Variants in ZRANB3 observed in about 807,000 individuals in gnomAD.
ZRANB3 encodes zinc finger RANBP2-type containing 3.
Under a neutral mutation model 133.8 loss-of-function variants are expected in ZRANB3, and 125 were observed. The ratio of observed to expected loss-of-function variants is 0.93; its 90% CI spans 0.81 to 1.08. The LOEUF (loss-of-function observed/expected upper bound fraction) is 1.08, where lower values mean the gene tolerates loss of function less well. Among genes scored for constraint, ZRANB3 ranks in the 50% least tolerant of loss-of-function variants. The pLI is 0.00. For synonymous variants in ZRANB3, 387 were observed against 432.7 expected, an observed-to-expected ratio of 0.89 and a Z score of 1.31; for missense variants, 1,229 against 1,275.5, an observed-to-expected ratio of 0.96 and a Z score of 0.56.
intron 2 of ZRANB3, among the ~76,000 whole-genome samples, chr2:135,431,316 T>TA (rs1409970819): frequency 1.3e-5 from 2 of 150,334 alleles, no homozygotes; most frequent in South Asian, 2.1e-4. Context: ...AATATATATG[T>TA]AAAAAAAAGT....
chr2:135,297,202 CCTT>C (rs1682167908), intron 8 of ZRANB3, among the ~76,000 whole-genome samples: 1 of 152,160 alleles, frequency 6.6e-6, no homozygotes. Context: ...AGGCAGGCCT[CCTT>C]GAGCTGTGGT....
At chr2:135,503,024 A>T (rs1693014704) in intron 2 of ZRANB3, among the ~76,000 whole-genome samples, 1 of 152,204 alleles carries the variant, frequency 6.6e-6, no homozygotes, top group African/African-American at 2.4e-5. Context: ...AAACCATTAA[A>T]AACAGGCAAA....
At chr2:135,477,090 TTTAA>T (rs1262974529) in intron 2 of ZRANB3, among the ~76,000 whole-genome samples, 3 of 152,318 alleles carry the variant, frequency 2.0e-5, no homozygotes, top group Admixed American at 2.0e-4. Flanking sequence ...ATCATCACTT[TTTAA>T]TTAGTGATTT....
At chr2:135,420,543 C>T (rs1339841468) in intron 2 of ZRANB3, among the ~76,000 whole-genome samples, 1 of 152,014 alleles carries the variant, frequency 6.6e-6, no homozygotes, top group Non-Finnish European at 1.5e-5. Context: ...TAACTAAGGA[C>T]AGACTACATA....
chr2:135,408,790 A>G (rs1342890386), intron 2 of ZRANB3, among the ~76,000 whole-genome samples: 1 of 151,812 alleles, frequency 6.6e-6, no homozygotes, highest in African/African-American at 2.4e-5. Context: ...ACACATGGAG[A>G]CAGGAAGGGG....
At chr2:135,413,053 G>A (rs557133226) in intron 2 of ZRANB3, among the ~76,000 whole-genome samples, 64 of 152,226 alleles carry the variant, frequency 4.2e-4, no homozygotes, top group African/African-American at 1.5e-3. Flanking sequence ...ACAAAACACT[G>A]AATGTTATTT....
intron 11 of ZRANB3, among the ~76,000 whole-genome samples, chr2:135,266,355 G>C (rs1019315590): frequency 6.6e-6 from 1 of 152,166 alleles, no homozygotes; most frequent in Non-Finnish European, 1.5e-5. Context: ...TGTATGAAAT[G>C]GCTCTGCAGA....
chr2:135,499,731 T>C (rs927461698), intron 2 of ZRANB3, among the ~76,000 whole-genome samples: 8 of 152,152 alleles, frequency 5.3e-5, no homozygotes, highest in South Asian at 2.1e-4. Flanking sequence ...GAGATATAAG[T>C]GGAACTCTTA....
chr2:135,430,463 G>A (rs1164924033), intron 2 of ZRANB3, among the ~76,000 whole-genome samples: 1 of 151,352 alleles, frequency 6.6e-6, no homozygotes, highest in Non-Finnish European at 1.5e-5. Context: ...CACATAGTAA[G>A]GTGCAGAGTT....
intron 2 of ZRANB3, among the ~76,000 whole-genome samples, chr2:135,464,670 C>T (rs1690906131): frequency 6.6e-6 from 1 of 152,148 alleles, no homozygotes; most frequent in African/African-American, 2.4e-5. Flanking sequence ...TGCCTGGTGC[C>T]TGCAAGTTGA....
At chr2:135,409,865 C>T (rs1044136986) in intron 2 of ZRANB3, among the ~76,000 whole-genome samples, 5 of 152,076 alleles carry the variant, frequency 3.3e-5, no homozygotes, top group African/African-American at 9.7e-5. Context: ...AGACTTCAGT[C>T]CCATTTACAA....
chr2:135,376,246 G>A (rs1452328184), intron 3 of ZRANB3, among the ~76,000 whole-genome samples: 1 of 152,204 alleles, frequency 6.6e-6, no homozygotes, highest in African/African-American at 2.4e-5. Flanking sequence ...CTAGCCTCGA[G>A]CTATGAGAGT....
At chr2:135,490,844 G>A (rs1692339731) in intron 2 of ZRANB3, among the ~76,000 whole-genome samples, 1 of 152,150 alleles carries the variant, frequency 6.6e-6, no homozygotes. Flanking sequence ...CAGCAACATG[G>A]ATGGAACTGG....
intron 2 of ZRANB3, among the ~76,000 whole-genome samples, chr2:135,462,094 T>C: frequency 6.6e-6 from 1 of 152,182 alleles, no homozygotes; most frequent in Admixed American, 6.5e-5. Context: ...ACTAAAAACA[T>C]TAATTACCTT....
intron 8 of ZRANB3, among the ~76,000 whole-genome samples, chr2:135,308,346 A>C (rs1682800083): frequency 6.6e-6 from 1 of 152,058 alleles, no homozygotes; most frequent in African/African-American, 2.4e-5. Context: ...TTGAGGTTGG[A>C]GGAGGGGGTA....
intron 8 of ZRANB3, among the ~76,000 whole-genome samples, chr2:135,277,040 G>A (rs763902725): frequency 6.6e-6 from 1 of 152,116 alleles, no homozygotes; most frequent in Non-Finnish European, 1.5e-5. Context: ...AAAATAGAGG[G>A]TATTTGGATG....
rs528964597 is a variant in ZRANB3, at chr2:135,328,147, C to T, written c.678-12617G>A. Among the ~76,000 whole-genome samples, 35 of 151,912 alleles carry T rather than the reference C, an allele frequency of 2.3e-4. No homozygotes were observed. The South Asian group carries it at 5.8e-3, about 25-fold the overall frequency. On this transcript the variant is annotated intron_variant, in intron 6 of 20. Coordinates refer to ENST00000264159, the MANE Select transcript of ZRANB3 (RefSeq NM_032143.4). The stretch of plus-strand genomic sequence containing the variant: ...TTGTTACATAGGTTTACATGTGCCA[C>T]GTTGGTTTGCTGCACCCATCAACTC...
chr2:135,414,510 C>T (rs1460982973), intron 2 of ZRANB3, among the ~76,000 whole-genome samples: 5 of 152,114 alleles, frequency 3.3e-5, no homozygotes, highest in Admixed American at 1.3e-4. Flanking sequence ...TAATGGGAGA[C>T]TTTAACACCC....
chr2:135,320,479 CT>C (rs2104833232), intron 6 of ZRANB3, among the ~76,000 whole-genome samples: 1 of 152,226 alleles, frequency 6.6e-6, no homozygotes, highest in Admixed American at 6.5e-5. Flanking sequence ...GAAACATGAA[CT>C]TTCTTTTGAG....
Sources: gnomAD v4.1 joint callset for allele counts (sites outside exome capture counted in the v4.1 genomes callset) on GRCh38, gnomAD v4.1.1 for gene constraint, MANE v1.5 for transcripts, NCBI Gene and HGNC (gene_info 2026-07-23, HGNC 2026-07-21) for gene names.